Variants in CD151 observed in about 807,000 individuals in gnomAD.
CD151 encodes the protein CD151 antigen.
A neutral mutation model predicts 34.2 loss-of-function variants in CD151; 20 were observed. The observed-to-expected ratio is 0.58, with a 90% CI of 0.41 to 0.85. The LOEUF (loss-of-function observed/expected upper bound fraction) is 0.85, where lower values mean the gene tolerates loss of function less well. CD151 is among the 40% of genes least tolerant of loss of function. CD151 has a pLI of 0.00. For synonymous variants in CD151, 157 were observed against 131.7 expected, an observed-to-expected ratio of 1.19 and a Z score of -1.32; for missense variants, 306 against 324.5, an observed-to-expected ratio of 0.94 and a Z score of 0.44.
chr11:833,270 C>T (rs1354850949), intron 1 of CD151, among the ~76,000 whole-genome samples: 1 of 152,252 alleles, frequency 6.6e-6, no homozygotes, highest in African/African-American at 2.4e-5. Context: ...GTTGGGGAGG[C>T]GCAGCGGGAA....
intron 4 of CD151, 39 bp from the exon 5 acceptor site, chr11:836,730 G>C (rs1483530201): frequency 4.4e-6 from 7 of 1,590,572 alleles, no homozygotes; most frequent in Non-Finnish European, 6.0e-6. Flanking sequence ...CTAGGCACTA[G>C]GCCTCAGAAC....
chr11:834,629 G>C (rs1047674585), intron 2 of CD151, 38 bp downstream of exon 2: 2 of 152,548 alleles, frequency 1.3e-5, no homozygotes, highest in Non-Finnish European at 2.9e-5. Flanking sequence ...CAGGCGGGGC[G>C]GCGAAAGTCC....
intron 4 of CD151, 152 bp downstream of exon 4, chr11:836,594 C>G (rs1324062392): frequency 3.6e-6 from 3 of 831,560 alleles, no homozygotes; most frequent in South Asian, 3.3e-5. Flanking sequence ...TCCCCACGTT[C>G]CTGCTGGACC....
Position 836,831 on chromosome 11 carries a change from C to T in CD151, c.339C>T (p.Ala113=). The change falls in exon 5 of 9, where the codon GCC becomes GCT. Residue 113 remains alanine, a synonymous_variant. Coordinates refer to ENST00000397420, the MANE Select transcript of CD151 (RefSeq NM_004357.5). ...TCATCGCTGGTATCCTCGCCTACGC[C>T]TACTACCAGCAGGTGAGGGGCCTGG... ...LEIIAGILAY[A]YYQQLNTELK... is the part of the protein sequence containing the mutation. 1 of 1,612,686 alleles carries T rather than the reference C, an allele frequency of 6.2e-7. No individual in the cohort carries two copies. Among genetic ancestry groups the T allele is most frequent in the African/African-American group, 1.3e-5 (1 of 75,026 alleles).
At chr11:835,183 C>A (rs1322259483) in intron 2 of CD151, 1 of 152,262 alleles carries the variant, frequency 6.6e-6, no homozygotes, top group African/African-American at 2.4e-5. Context: ...GACCCCTGTC[C>A]TGTCTGTGGG....
intron 2 of CD151, 40 bp downstream of exon 2, chr11:834,631 C>G (rs568582104): frequency 6.6e-6 from 1 of 152,514 alleles, no homozygotes; most frequent in Non-Finnish European, 1.5e-5. Context: ...GGCGGGGCGG[C>G]GAAAGTCCAG....
chr11:836,059 T>A lies in CD151; in HGVS notation c.-7-4T>A. On this transcript the variant is annotated splice_polypyrimidine_tract_variant and splice_region_variant and intron_variant, in intron 2 of 8. Coordinates refer to ENST00000397420, the MANE Select transcript of CD151 (RefSeq NM_004357.5). ...CCCCGCTGACCCCTCCCCTGCCTCCTCAGCCCCAGGATGGGTGAGTTCAAC... is the reference window on the plus strand; with the variant it reads ...CCCCGCTGACCCCTCCCCTGCCTCCACAGCCCCAGGATGGGTGAGTTCAAC... 1 of 1,601,062 alleles carries A rather than the reference T, an allele frequency of 6.2e-7. No individual in the cohort carries two copies. The highest frequency in any genetic ancestry group is 8.6e-7 in the Non-Finnish European group (1 of 1,169,380).
Position 836,394 on chromosome 11 carries a change from C to T in CD151, c.228C>T (p.Val76=), listed in dbSNP as rs1846768631. 2 of 1,612,112 alleles carry T rather than the reference C, an allele frequency of 1.2e-6. No individual in the cohort carries two copies. The highest frequency in any genetic ancestry group is 1.7e-6 in the Non-Finnish European group (2 of 1,179,846). Residue 76 remains valine, a synonymous_variant, in exon 4 of 9, where the codon GTC becomes GTT. Coordinates refer to ENST00000397420, the MANE Select transcript of CD151 (RefSeq NM_004357.5). ...GCACTGTCGTCATGGTGACTGGGGT[C>T]TTGGGCTGCTGCGCCACCTTCAAGG... The part of the protein sequence containing the change: ...VAGTVVMVTG[V]LGCCATFKER...
chr11:837,674 C>G, intron 7 of CD151, 56 bp downstream of exon 7: 1 of 1,560,742 alleles, frequency 6.4e-7, no homozygotes, highest in Non-Finnish European at 8.8e-7. Context: ...GGGGGGCACC[C>G]CAGTGACTGG....
rs949958895 is a variant in CD151 at position 837,497 on chromosome 11, G to A, written c.494G>A (p.Arg165Gln). 12 of 1,612,818 alleles carry A rather than the reference G, an allele frequency of 7.4e-6. No individual in the cohort carries two copies. Among genetic ancestry groups the A allele is most frequent in the African/African-American group, 1.3e-5 (1 of 74,904 alleles). Reference protein sequence around the residue: ...CCGSNNSQDWRDSEWIRSQEA... With the variant: ...CCGSNNSQDWQDSEWIRSQEA... ...GGCAGCAACAACTCACAGGACTGGC[G>A]AGACAGTGAGTGGATCCGCTCACAG... The change falls in exon 7 of 9, where the codon CGA becomes CAA. Residue 165 changes from arginine (R) to glutamine (Q), a missense_variant. Transcript: ENST00000397420.
At chr11:834,649 T>A (rs1156401795) in intron 2 of CD151, 58 bp downstream of exon 2, 1 of 150,658 alleles carries the variant, frequency 6.6e-6, no homozygotes, top group Non-Finnish European at 1.5e-5. Flanking sequence ...CAGACCTGGC[T>A]GTGCTGTCTG....
chr11:834,209 A>G (rs899687016), intron 1 of CD151: 1 of 152,164 alleles, frequency 6.6e-6, no homozygotes, highest in Non-Finnish European at 1.5e-5. Flanking sequence ...AAATACAAAC[A>G]TTAGCTGGGC....
In CD151 at chr11:837,930, C is replaced by T. The variant is rs368757982; in HGVS notation, c.616-12C>T. On this transcript the variant is annotated splice_polypyrimidine_tract_variant and intron_variant, in intron 7 of 8. Coordinates refer to ENST00000397420, the MANE Select transcript of CD151 (RefSeq NM_004357.5). Reference sequence around the variant, plus strand: ...CCTGGGCCCGCCTTCAACACCCATCCGCGCCCCGCAGGGCGGCTGCATCAC... The same window carrying T: ...CCTGGGCCCGCCTTCAACACCCATCTGCGCCCCGCAGGGCGGCTGCATCAC... The T allele has an allele frequency of 3.1e-5, 49 of 1,605,620 alleles. No individual in the cohort carries two copies. The African/African-American group carries it at 3.1e-4, about 10-fold the overall frequency.
chr11:836,743 G>C (rs765435179), intron 4 of CD151, 26 bp from the exon 5 acceptor site: 187 of 1,609,520 alleles, frequency 1.2e-4, no homozygotes, highest in Non-Finnish European at 1.5e-4. Flanking sequence ...CTCAGAACAA[G>C]GGTGCCCTTG....
In CD151 at chr11:837,446, T is replaced by C. The variant is rs199498141; in HGVS notation, c.457-14T>C. 2.3e-4 allele frequency: 368 copies of C among 1,612,622 alleles called. 4 individuals are homozygous for C. The East Asian group carries it at 7.1e-3, about 31-fold the overall frequency. On this transcript the variant is annotated splice_polypyrimidine_tract_variant and intron_variant, in intron 6 of 8. Transcript: ENST00000397420. ...TGGCCCCAGGTCTCAACCCCAGCCT[T>C]GTTCTTGATGCAGTTCCACTGCTGT...
chr11:836,969 C>G, intron 5 of CD151, 126 bp downstream of exon 5: 1 of 863,058 alleles, frequency 1.2e-6, no homozygotes. Context: ...CAATGTGCCA[C>G]TGGGCCCTGG....
intron 5 of CD151, 166 bp from the exon 6 acceptor site, chr11:837,084 G>T: frequency 1.5e-6 from 1 of 668,944 alleles, no homozygotes; most frequent in East Asian, 2.7e-5. Flanking sequence ...CCCTGGTGAC[G>T]GTCCTGGCAC....
At position 838,475 on chromosome 11, in the gene CD151, C is replaced by T. The variant is rs908562968; in HGVS notation, c.*283C>T. 67 of 561,572 alleles carry T rather than the reference C, an allele frequency of 1.2e-4. No homozygotes were observed. The highest frequency in any genetic ancestry group is 3.9e-4 in the Admixed American group (12 of 30,714). The allele number at this position is 561,572 out of a possible 1,614,324, so 34.8% of individuals were successfully genotyped here. On this transcript the variant is annotated 3_prime_UTR_variant, in exon 9 of 9. Transcript: ENST00000397420. ...GGTTGGAAGGGGCCTTGCTGAGTGGCGCAAGGCCGAGCGTTCCCAGCAGGG... is the reference window on the plus strand; with the variant it reads ...GGTTGGAAGGGGCCTTGCTGAGTGGTGCAAGGCCGAGCGTTCCCAGCAGGG...
At position 837,022 on chromosome 11, in the gene CD151, G is replaced by A; in HGVS notation, c.351+179G>A. 4.5e-6 allele frequency: 3 copies of A among 660,828 alleles called. No homozygotes were observed. In the South Asian group the frequency reaches 5.3e-5, roughly 12 times the overall value. 40.9% of individuals were successfully genotyped at this position (660,828 alleles called of 1,614,324 possible). Reference sequence around the variant, plus strand: ...CTGCAGGGGCACATGGGGTCAGGCAGGTGTCCAGGGGATCCAGAAGCTCTC... The same window carrying A: ...CTGCAGGGGCACATGGGGTCAGGCAAGTGTCCAGGGGATCCAGAAGCTCTC... On this transcript the variant is annotated intron_variant, in intron 5 of 8. Coordinates refer to ENST00000397420, the MANE Select transcript of CD151 (RefSeq NM_004357.5).
Sources: allele counts gnomAD v4.1 joint callset (sites outside exome capture counted in the v4.1 genomes callset), GRCh38; gene constraint gnomAD v4.1.1; transcripts MANE v1.5; gene names NCBI Gene and HGNC (gene_info 2026-07-23, HGNC 2026-07-21).